ST8SIA6: variants seen among roughly 807,000 people sequenced by gnomAD.
ST8SIA6 encodes the protein ST8 alpha-N-acetyl-neuraminide alpha-2,8-sialyltransferase 6, also known as alpha-2,8-sialyltransferase 8F.
ST8SIA6 carries 39 observed loss-of-function variants against 33.6 expected under a neutral mutation model. The observed-to-expected ratio is 1.16, with a 90% CI of 0.90 to 1.52. The LOEUF (loss-of-function observed/expected upper bound fraction) is 1.52, where lower values mean the gene tolerates loss of function less well. Ranked by LOEUF, ST8SIA6 falls within the 40% of genes most tolerant of loss-of-function variation. The pLI, the probability that ST8SIA6 is intolerant of heterozygous loss-of-function variation, is 0.00. For synonymous variants in ST8SIA6, 172 were observed against 167.2 expected (o/e 1.03, Z -0.22); for missense variants, 441 against 443.8 (o/e 0.99, Z 0.06).
At chr10:17,419,015 A>AT (rs1851695001) in intron 2 of ST8SIA6, among the ~76,000 whole-genome samples, 6 of 150,298 alleles carry the variant, frequency 4.0e-5, no homozygotes, top group Non-Finnish European at 8.9e-5. Flanking sequence ...AAAAAAAAAA[A>AT]GAAAAATTTA....
intron 7 of ST8SIA6, 141 bp from the exon 8 acceptor site, chr10:17,321,487 C>T: frequency 1.6e-6 from 1 of 634,206 alleles, no homozygotes; most frequent in Non-Finnish European, 2.6e-6. Context: ...AGTGTGGACT[C>T]AGAGAAAACT....
intron 3 of ST8SIA6, among the ~76,000 whole-genome samples, chr10:17,360,293 A>G (rs1849338822): frequency 6.6e-6 from 1 of 152,124 alleles, no homozygotes; most frequent in South Asian, 2.1e-4. Flanking sequence ...TTTTATTTCA[A>G]TTAGTAACTT....
At chr10:17,413,680 T>A (rs1238457811) in intron 2 of ST8SIA6, among the ~76,000 whole-genome samples, 1 of 152,190 alleles carries the variant, frequency 6.6e-6, no homozygotes, top group African/African-American at 2.4e-5. Context: ...GAATAAACAA[T>A]TTTGATATTC....
Position 17,331,555 on chromosome 10 carries a change from G to A in ST8SIA6, c.378-3C>T. 3 of 1,601,410 alleles carry A rather than the reference G, an allele frequency of 1.9e-6. No homozygotes were observed. Among genetic ancestry groups the A allele is most frequent in the Non-Finnish European group, 2.6e-6 (3 of 1,175,934 alleles). ...CACAGCAGGAAGCAAGTTTGGCTCT[G>A]CAAAGGAAAAGGATGAAAAGGAAGC... On this transcript the variant is annotated splice_polypyrimidine_tract_variant and splice_region_variant and intron_variant, in intron 4 of 7. Coordinates refer to ENST00000377602, the MANE Select transcript of ST8SIA6 (RefSeq NM_001004470.3).
Position 17,317,174 on chromosome 10 carries a change from G to A in ST8SIA6, c.*3704C>T, listed in dbSNP as rs968826159. On this transcript the variant is annotated 3_prime_UTR_variant, in exon 8 of 8. Coordinates refer to ENST00000377602, the MANE Select transcript of ST8SIA6 (RefSeq NM_001004470.3). ...ATTTTTCTCCATAGAGTGAGCCAATGTTTCAATATTATCTGCTAAAGAGTT... is the reference window on the plus strand; with the variant it reads ...ATTTTTCTCCATAGAGTGAGCCAATATTTCAATATTATCTGCTAAAGAGTT... Among the ~76,000 whole-genome samples the A allele has an allele frequency of 1.3e-5, 2 of 152,124 alleles. No individual in the cohort carries two copies.
chr10:17,342,917 C>T (rs1002838833), intron 4 of ST8SIA6, among the ~76,000 whole-genome samples: 4 of 152,086 alleles, frequency 2.6e-5, no homozygotes, highest in African/African-American at 9.7e-5. Context: ...CCACCATGCT[C>T]CAGCCTGGGT....
chr10:17,401,431 T>C (rs1851036622), intron 2 of ST8SIA6, among the ~76,000 whole-genome samples: 1 of 152,202 alleles, frequency 6.6e-6, no homozygotes, highest in Non-Finnish European at 1.5e-5. Flanking sequence ...AAAGAACTAC[T>C]TTAAAGTTCA....
intron 2 of ST8SIA6, among the ~76,000 whole-genome samples, chr10:17,415,803 C>CTTTT (rs968920842): frequency 0.011 from 1,020 of 92,186 alleles, 26 homozygotes; most frequent in Non-Finnish European, 0.016. Context: ...CCTCACTTGT[C>CTTTT]TTTTTTTTTT....
At chr10:17,374,614 G>A (rs886711255) in intron 3 of ST8SIA6, among the ~76,000 whole-genome samples, 68 of 151,486 alleles carry the variant, frequency 4.5e-4, no homozygotes, top group Non-Finnish European at 6.5e-4. Flanking sequence ...CTTGGGAGGC[G>A]GAGGTAGGAG....
At chr10:17,425,902 G>C (rs1304933779) in intron 2 of ST8SIA6, among the ~76,000 whole-genome samples, 2 of 152,180 alleles carry the variant, frequency 1.3e-5, no homozygotes, top group Non-Finnish European at 2.9e-5. Flanking sequence ...GAAAAACTGT[G>C]AGGGCCTCAA....
At chr10:17,396,483 C>T (rs1850810146) in intron 2 of ST8SIA6, among the ~76,000 whole-genome samples, 1 of 152,208 alleles carries the variant, frequency 6.6e-6, no homozygotes, top group Admixed American at 6.5e-5. Context: ...TCTCATTTAA[C>T]TGTGCTCCTT....
chr10:17,408,172 G>A (rs1309189837), intron 2 of ST8SIA6: 6 of 152,584 alleles, frequency 3.9e-5, no homozygotes, highest in Non-Finnish European at 5.9e-5. Flanking sequence ...CCCTTGAATA[G>A]GGTTTGTGCA....
intron 3 of ST8SIA6, among the ~76,000 whole-genome samples, chr10:17,381,872 A>G (rs1413136853): frequency 6.6e-6 from 1 of 152,204 alleles, no homozygotes; most frequent in Non-Finnish European, 1.5e-5. Flanking sequence ...CACAGACAAT[A>G]AAGAGGTTTG....
chr10:17,424,379 C>T (rs985640097), intron 2 of ST8SIA6, among the ~76,000 whole-genome samples: 3 of 152,092 alleles, frequency 2.0e-5, no homozygotes, highest in African/African-American at 4.8e-5. Flanking sequence ...GCTGGGATTA[C>T]AGGTGTGAGC....
intron 3 of ST8SIA6, among the ~76,000 whole-genome samples, chr10:17,384,869 C>G (rs1850277248): frequency 6.6e-6 from 1 of 152,026 alleles, no homozygotes; most frequent in Non-Finnish European, 1.5e-5. Flanking sequence ...TTCCCCCTTC[C>G]TCCCCCTAAT....
chr10:17,376,666 G>A (rs990352675), intron 3 of ST8SIA6, among the ~76,000 whole-genome samples: 4 of 152,108 alleles, frequency 2.6e-5, no homozygotes, highest in African/African-American at 7.2e-5. Context: ...TAAAAATACA[G>A]GCAAGAAAGA....
intron 2 of ST8SIA6, among the ~76,000 whole-genome samples, chr10:17,395,043 G>C (rs1850758374): frequency 6.6e-6 from 1 of 152,068 alleles, no homozygotes; most frequent in Non-Finnish European, 1.5e-5. Context: ...CACGTGTTGT[G>C]GGAAGGACCC....
chr10:17,411,034 AAC>A (rs1489236911), intron 2 of ST8SIA6, among the ~76,000 whole-genome samples: 1 of 152,218 alleles, frequency 6.6e-6, no homozygotes, highest in Non-Finnish European at 1.5e-5. Context: ...TCAACAAGGA[AAC>A]ACACAAAACA....
intron 3 of ST8SIA6, among the ~76,000 whole-genome samples, chr10:17,386,277 G>A (rs1383665818): frequency 6.6e-6 from 1 of 151,836 alleles, no homozygotes; most frequent in Admixed American, 6.6e-5. Flanking sequence ...AGATCACAAG[G>A]TCAGGAGTTC....
Sources: gnomAD v4.1 joint callset for allele counts (sites outside exome capture counted in the v4.1 genomes callset) on GRCh38, gnomAD v4.1.1 for gene constraint, MANE v1.5 for transcripts, NCBI Gene and HGNC (gene_info 2026-07-23, HGNC 2026-07-21) for gene names.